Variants in FRMPD1 observed in about 807,000 individuals in gnomAD.
FRMPD1 encodes the protein FERM and PDZ domain containing 1.
In FRMPD1, 76 loss-of-function variants were observed where a neutral mutation model predicts 117.8. The observed-to-expected ratio is 0.65, with a 90% CI of 0.54 to 0.78. The LOEUF (loss-of-function observed/expected upper bound fraction) is 0.78. FRMPD1 is among the 30% of genes least tolerant of loss of function. The pLI is 0.00. For missense variants in FRMPD1, 1,786 were observed against 1,964.5 expected, an observed-to-expected ratio of 0.91 and a Z score of 1.72; for synonymous variants, 783 against 770.4, an observed-to-expected ratio of 1.02 and a Z score of -0.27.
At chr9:37,729,382 CAAAAAA>C (rs60967717) in intron 7 of FRMPD1, among the ~76,000 whole-genome samples, 5 of 54,716 alleles carry the variant, frequency 9.1e-5, no homozygotes, top group Admixed American at 2.8e-4. Context: ...GAGACCCTCT[CAAAAAA>C]AAAAAAAAAA....
intron 5 of FRMPD1, among the ~76,000 whole-genome samples, chr9:37,714,051 C>T (rs1823011590): frequency 6.6e-6 from 1 of 152,166 alleles, no homozygotes; most frequent in Non-Finnish European, 1.5e-5. Flanking sequence ...AAAAAACCTA[C>T]CTAATGAGGA....
At chr9:37,675,162 C>A (rs1331224690) in intron 1 of FRMPD1, among the ~76,000 whole-genome samples, 3 of 152,038 alleles carry the variant, frequency 2.0e-5, no homozygotes, top group African/African-American at 7.2e-5. Flanking sequence ...GTGACTCATG[C>A]CTGTAATCTC....
chr9:37,720,387 G>A (rs904438754), intron 6 of FRMPD1, among the ~76,000 whole-genome samples: 4 of 152,018 alleles, frequency 2.6e-5, no homozygotes, highest in Non-Finnish European at 4.4e-5. Flanking sequence ...AAGACCGGCC[G>A]GGGGCGGTGG....
intron 13 of FRMPD1, among the ~76,000 whole-genome samples, chr9:37,736,124 C>T (rs1824113620): frequency 6.6e-6 from 1 of 151,836 alleles, no homozygotes; most frequent in Non-Finnish European, 1.5e-5. Flanking sequence ...CCTCAGCCTC[C>T]CAAGTAGCTG....
intron 7 of FRMPD1, among the ~76,000 whole-genome samples, chr9:37,725,265 G>T (rs1823571832): frequency 6.6e-6 from 1 of 152,190 alleles, no homozygotes; most frequent in Non-Finnish European, 1.5e-5. Context: ...AATAGTGTTA[G>T]AGTGAGGCCG....
At chr9:37,617,013 G>C in the FRMPD1 span, among the ~76,000 whole-genome samples, 1 of 152,120 alleles carries the variant, frequency 6.6e-6, no homozygotes, top group Admixed American at 6.5e-5. Flanking sequence ...CTTGCTTTCC[G>C]CAGACTGCAC....
chr9:37,731,478 G>A (rs1426719109), intron 9 of FRMPD1, among the ~76,000 whole-genome samples: 2 of 152,198 alleles, frequency 1.3e-5, no homozygotes, highest in African/African-American at 4.8e-5. Context: ...CACTCACTTA[G>A]TGGCAGAGCC....
intron 11 of FRMPD1, 61 bp downstream of exon 11, chr9:37,733,660 T>C (rs1006136871): frequency 3.1e-6 from 5 of 1,601,764 alleles, no homozygotes; most frequent in African/African-American, 2.7e-5. Context: ...AGGAAAAACA[T>C]TTTCAACACT....
At chr9:37,616,244 C>T in the FRMPD1 span, among the ~76,000 whole-genome samples, 10 of 150,878 alleles carry the variant, frequency 6.6e-5, no homozygotes, top group African/African-American at 2.0e-4. Context: ...CACCCTCTCA[C>T]GTAGCTGGGA....
At position 37,733,826 on chromosome 9, in the gene FRMPD1, G is replaced by T; in HGVS notation, c.1218+1G>T. On this transcript the variant is annotated splice_donor_variant, in intron 12 of 15. Coordinates refer to ENST00000377765, the MANE Select transcript of FRMPD1 (RefSeq NM_014907.3). LOFTEE classifies it high-confidence loss of function. The stretch of plus-strand genomic sequence containing the variant: ...AAGAATCTTTAATGCTACTTTAATG[G>T]TATGTATTAGAGAACTGTGAAATCC... 1 of 1,453,346 alleles carries T rather than the reference G, an allele frequency of 6.9e-7. No individual in the cohort carries two copies. The highest frequency in any genetic ancestry group is 9.7e-7 in the Non-Finnish European group (1 of 1,033,876). The allele number at this position is 1,453,346 out of a possible 1,614,324, so 90.0% of individuals were successfully genotyped here. A position where few individuals can be genotyped will look rare whatever the true frequency, so the allele number is the denominator to read the frequency against.
chr9:37,733,621 A>G, intron 11 of FRMPD1, 22 bp downstream of exon 11: 2 of 1,613,014 alleles, frequency 1.2e-6, no homozygotes, highest in Non-Finnish European at 1.7e-6. Flanking sequence ...GCCTCTGCCG[A>G]CCCACTCAGC....
intron 14 of FRMPD1, among the ~76,000 whole-genome samples, chr9:37,738,273 A>G (rs926520990): frequency 5.9e-5 from 9 of 152,200 alleles, no homozygotes; most frequent in African/African-American, 2.2e-4. Flanking sequence ...AGCTCAAGAG[A>G]ATAGGTACTA....
chr9:37,674,091 A>T (rs899347142), intron 1 of FRMPD1, among the ~76,000 whole-genome samples: 13 of 152,218 alleles, frequency 8.5e-5, no homozygotes, highest in African/African-American at 3.1e-4. Flanking sequence ...TTGCATCATC[A>T]GGCAGCAAAT....
chr9:37,638,374 G>A, the FRMPD1 span, among the ~76,000 whole-genome samples: 1 of 152,090 alleles, frequency 6.6e-6, no homozygotes, highest in Non-Finnish European at 1.5e-5. Context: ...CGTCTGGCCT[G>A]GTTTATGGTT....
chr9:37,718,563 G>A (rs1442061908), intron 5 of FRMPD1, among the ~76,000 whole-genome samples: 1 of 152,170 alleles, frequency 6.6e-6, no homozygotes, highest in Non-Finnish European at 1.5e-5. Context: ...AGAGCGAAGT[G>A]GAGCCAAGGG....
intron 1 of FRMPD1, among the ~76,000 whole-genome samples, chr9:37,657,392 C>T (rs975177027): frequency 4.6e-5 from 7 of 152,156 alleles, no homozygotes; most frequent in Admixed American, 6.5e-5. Flanking sequence ...TTATTAAAGA[C>T]GAGGATGGCA....
chr9:37,697,475 G>T (rs1427818530), intron 2 of FRMPD1, among the ~76,000 whole-genome samples: 3 of 152,038 alleles, frequency 2.0e-5, no homozygotes, highest in Non-Finnish European at 2.9e-5. Flanking sequence ...GCTGAGGCAG[G>T]AGAATGGCGT....
In FRMPD1 at chr9:37,729,787, G is replaced by A. The variant is rs755150329; in HGVS notation, c.672G>A (p.Leu224=). The A allele has an allele frequency of 2.5e-6, 4 of 1,613,872 alleles. No homozygotes were observed. The South Asian group carries it at 4.4e-5, about 18-fold the overall frequency. Residue 224 remains leucine, a synonymous_variant, in exon 8 of 16, where the codon CTG becomes CTA. Transcript: ENST00000377765. Reference sequence around the variant, plus strand: ...TCCGAAGTATCGAGTACTTTGCACTGGCCCTGGAAGAGCAGTACAGCATCT... The same window carrying A: ...TCCGAAGTATCGAGTACTTTGCACTAGCCCTGGAAGAGCAGTACAGCATCT... ...LSIRSIEYFA[L]ALEEQYSISR... is the part of the protein sequence containing the mutation.
At chr9:37,608,600 C>T in the FRMPD1 span, among the ~76,000 whole-genome samples, 1 of 152,112 alleles carries the variant, frequency 6.6e-6, no homozygotes, top group African/African-American at 2.4e-5. Context: ...ATCTCAGCCT[C>T]CCAAGTAGCT....
Sources: allele counts gnomAD v4.1 joint callset (sites outside exome capture counted in the v4.1 genomes callset), GRCh38; gene constraint gnomAD v4.1.1; transcripts MANE v1.5; gene names NCBI Gene and HGNC (gene_info 2026-07-23, HGNC 2026-07-21).